SLC44A5: variants seen among roughly 807,000 people sequenced by gnomAD.
The protein encoded by SLC44A5 is solute carrier family 44 member 5, also known as choline transporter-like protein 5.
A neutral mutation model predicts 101.8 loss-of-function variants in SLC44A5; 57 were observed. The ratio of observed to expected loss-of-function variants is 0.56; its 90% confidence interval spans 0.45 to 0.70. SLC44A5 has a LOEUF of 0.70. Ranked by LOEUF, SLC44A5 falls within the 30% of genes least tolerant of loss-of-function variation. The pLI is 0.00. For missense variants in SLC44A5, 737 were observed against 853.1 expected (o/e 0.86, Z 1.70); for synonymous variants, 281 against 290.9 (o/e 0.97, Z 0.35).
chr1:75,613,412 C>T (rs888476704), upstream of SLC44A5, among the ~76,000 whole-genome samples: 4 of 152,172 alleles, frequency 2.6e-5, no homozygotes, highest in African/African-American at 9.7e-5. Context: ...TCTTAAAAGG[C>T]AAAATTGAGG....
intron 3 of SLC44A5, among the ~76,000 whole-genome samples, chr1:75,363,994 TCTC>T (rs1659683640): frequency 6.6e-6 from 1 of 152,152 alleles, no homozygotes; most frequent in African/African-American, 2.4e-5. Context: ...TCATCCTACT[TCTC>T]CTTGTCTGCA....
intron 3 of SLC44A5, among the ~76,000 whole-genome samples, chr1:75,359,793 T>C (rs1570770200): frequency 6.6e-6 from 1 of 152,166 alleles, no homozygotes; most frequent in Non-Finnish European, 1.5e-5. Context: ...TCACCAACGG[T>C]GCACAGGGTT....
chr1:75,687,530 C>T, the SLC44A5 span, among the ~76,000 whole-genome samples: 1 of 152,116 alleles, frequency 6.6e-6, no homozygotes, highest in Non-Finnish European at 1.5e-5. Context: ...TCTTGAACTC[C>T]TGACCTCAGG....
intron 1 of SLC44A5, among the ~76,000 whole-genome samples, chr1:75,589,773 T>C (rs1160826023): frequency 2.6e-5 from 4 of 152,020 alleles, no homozygotes; most frequent in East Asian, 1.9e-4. Context: ...AACACAGCAA[T>C]TGGGAGGCAT....
intron 2 of SLC44A5, among the ~76,000 whole-genome samples, chr1:75,450,324 C>T (rs1024541637): frequency 1.3e-5 from 2 of 152,162 alleles, no homozygotes; most frequent in African/African-American, 4.8e-5. Flanking sequence ...GAGGGAAAGG[C>T]GCCAGGAAAA....
chr1:75,690,211 C>T, the SLC44A5 span, among the ~76,000 whole-genome samples: 2 of 152,082 alleles, frequency 1.3e-5, no homozygotes, highest in Non-Finnish European at 2.9e-5. Context: ...AGGAAACTTA[C>T]AATCATGGCA....
At chr1:75,518,668 G>A (rs1255167311) in intron 2 of SLC44A5, among the ~76,000 whole-genome samples, 1 of 152,074 alleles carries the variant, frequency 6.6e-6, no homozygotes, top group Non-Finnish European at 1.5e-5. Context: ...TTTCTTCTTT[G>A]AACATTCTAT....
chr1:75,213,020 C>T (rs953488483), intron 22 of SLC44A5, among the ~76,000 whole-genome samples: 1 of 152,172 alleles, frequency 6.6e-6, no homozygotes, highest in African/African-American at 2.4e-5. Context: ...TGACCAAAAA[C>T]TGCCTGATGC....
the SLC44A5 span, among the ~76,000 whole-genome samples, chr1:75,676,238 C>A: frequency 6.6e-6 from 1 of 152,188 alleles, no homozygotes; most frequent in Admixed American, 6.5e-5. Flanking sequence ...TATAAAAATA[C>A]ATGCACACAT....
intron 22 of SLC44A5, 115 bp downstream of exon 22, chr1:75,213,590 A>G (rs566071995): frequency 1.1e-4 from 88 of 779,888 alleles, no homozygotes; most frequent in Non-Finnish European, 1.1e-4. Context: ...TGACACCTTG[A>G]TCTTGGACTT....
At chr1:75,651,696 C>CAA in the SLC44A5 span, among the ~76,000 whole-genome samples, 4,173 of 69,142 alleles carry the variant, frequency 0.06, 192 homozygotes, top group African/African-American at 0.13. Context: ...GACTCTGTCT[C>CAA]AAAAAAAAAA....
intron 2 of SLC44A5, among the ~76,000 whole-genome samples, chr1:75,511,973 G>A (rs1404952040): frequency 2.0e-5 from 3 of 152,114 alleles, no homozygotes; most frequent in Non-Finnish European, 4.4e-5. Flanking sequence ...AGAAGGCCAC[G>A]AAAAGTTATG....
chr1:75,241,628 C>T (rs892450975), intron 9 of SLC44A5, among the ~76,000 whole-genome samples: 7 of 152,076 alleles, frequency 4.6e-5, no homozygotes, highest in African/African-American at 1.7e-4. Flanking sequence ...TGTCCTCCCC[C>T]TACTCCTCAG....
chr1:75,507,322 T>G (rs749892779), intron 2 of SLC44A5, among the ~76,000 whole-genome samples: 36 of 152,146 alleles, frequency 2.4e-4, no homozygotes, highest in Admixed American at 3.9e-4. Flanking sequence ...GTTGTTGCTT[T>G]TATTTCCATT....
intron 12 of SLC44A5, among the ~76,000 whole-genome samples, chr1:75,232,187 A>C (rs1338046480): frequency 6.6e-6 from 1 of 152,136 alleles, no homozygotes; most frequent in Non-Finnish European, 1.5e-5. Flanking sequence ...TAGGGAGCGA[A>C]AATTAAGTTG....
intron 1 of SLC44A5, among the ~76,000 whole-genome samples, chr1:75,557,207 T>C (rs1173465308): frequency 6.6e-6 from 1 of 152,122 alleles, no homozygotes; most frequent in Non-Finnish European, 1.5e-5. Context: ...CATAATGTTA[T>C]ACGAATAAAG....
chr1:75,433,129 A>G (rs1376183202), intron 2 of SLC44A5, among the ~76,000 whole-genome samples: 7 of 152,040 alleles, frequency 4.6e-5, no homozygotes, highest in Admixed American at 1.3e-4. Flanking sequence ...TTTCTCCTCT[A>G]TATAACTATC....
chr1:75,269,518 C>T (rs893679955), intron 6 of SLC44A5, among the ~76,000 whole-genome samples: 8 of 151,780 alleles, frequency 5.3e-5, no homozygotes, highest in African/African-American at 9.7e-5. Flanking sequence ...TCTTCTGTTA[C>T]TTCTATGGTT....
intron 5 of SLC44A5, among the ~76,000 whole-genome samples, chr1:75,290,967 G>A (rs1653491896): frequency 6.6e-6 from 1 of 152,204 alleles, no homozygotes; most frequent in Admixed American, 6.5e-5. Context: ...TGGAAGGAGA[G>A]TAGGATGTAA....
Sources: allele counts gnomAD v4.1 joint callset (sites outside exome capture counted in the v4.1 genomes callset), GRCh38; gene constraint gnomAD v4.1.1; transcripts MANE v1.5; gene names NCBI Gene and HGNC (gene_info 2026-07-23, HGNC 2026-07-21).